The following ZRANB3 variants were observed in gnomAD, a reference collection of about 807,000 sequenced individuals.
ZRANB3 encodes the protein zinc finger RANBP2-type containing 3, also known as DNA annealing helicase and endonuclease ZRANB3.
A neutral mutation model predicts 133.8 loss-of-function variants in ZRANB3; 125 were observed. The ratio of observed to expected loss-of-function variants is 0.93; its 90% CI spans 0.81 to 1.08. The LOEUF (loss-of-function observed/expected upper bound fraction) is 1.08. ZRANB3 is among the 50% of genes least tolerant of loss of function. The pLI is 0.00. For synonymous variants in ZRANB3, 387 were observed against 432.7 expected (o/e 0.89, Z 1.31); for missense variants, 1,229 against 1,275.5 (o/e 0.96, Z 0.56).
chr2:135,348,541 A>C (rs147195499), intron 5 of ZRANB3, among the ~76,000 whole-genome samples: 2 of 152,266 alleles, frequency 1.3e-5, no homozygotes, highest in Non-Finnish European at 2.9e-5. Context: ...GCTCGATTAT[A>C]AGTAGATGAG....
chr2:135,407,664 T>A (rs1357649421), intron 2 of ZRANB3, among the ~76,000 whole-genome samples: 1 of 151,620 alleles, frequency 6.6e-6, no homozygotes, highest in African/African-American at 2.4e-5. Flanking sequence ...TCAGAAATAA[T>A]GCCGAATATC....
In ZRANB3 at chr2:135,362,659, T is replaced by C. The variant is rs1333320137; in HGVS notation, c.181-9031A>G. On this transcript the variant is annotated intron_variant, in intron 3 of 20. Coordinates refer to ENST00000264159, the MANE Select transcript of ZRANB3 (RefSeq NM_032143.4). ...GATATAAGCAAATATATGCCCCTTTTTATTTTTTTTCCTAGACATGGGTCT... is the reference window on the plus strand; with the variant it reads ...GATATAAGCAAATATATGCCCCTTTCTATTTTTTTTCCTAGACATGGGTCT... Among the ~76,000 whole-genome samples the C allele has an allele frequency of 6.6e-5, 10 of 152,258 alleles. No individual in the cohort carries two copies. In the East Asian group the frequency reaches 1.9e-3, roughly 29 times the overall value.
At chr2:135,246,089 AGTGCAATG>A (rs1366198322) in intron 12 of ZRANB3, among the ~76,000 whole-genome samples, 165 of 112,580 alleles carry the variant, frequency 1.5e-3, no homozygotes, top group African/African-American at 5.8e-3. Flanking sequence ...CTCAGGCTGG[AGTGCAATG>A]GTGTGATCTC....
Position 135,371,606 on chromosome 2 carries a change from T to G in ZRANB3, c.181-17978A>C, listed in dbSNP as rs144143417. 3.0e-3 allele frequency among the ~76,000 whole-genome samples: 452 copies of G among 152,316 alleles called. 3 individuals are homozygous for G. The highest frequency in any genetic ancestry group is 0.01 in the African/African-American group (421 of 41,574). On this transcript the variant is annotated intron_variant, in intron 3 of 20. Transcript: ENST00000264159. ...GAAATCAGGACAGACTTCTTTAAAA[T>G]TGAAGATGCAATCAATTGCATTTGT...
intron 2 of ZRANB3, among the ~76,000 whole-genome samples, chr2:135,479,617 G>C (rs1691670234): frequency 6.6e-6 from 1 of 151,994 alleles, no homozygotes; most frequent in South Asian, 2.1e-4. Context: ...AGTGAGCCGA[G>C]ATTGTGCCAC....
intron 2 of ZRANB3, among the ~76,000 whole-genome samples, chr2:135,449,814 G>A (rs993834196): frequency 6.6e-6 from 1 of 152,114 alleles, no homozygotes; most frequent in Non-Finnish European, 1.5e-5. Flanking sequence ...CTACAGTGCA[G>A]TGACAAAACC....
intron 2 of ZRANB3, among the ~76,000 whole-genome samples, chr2:135,443,563 CA>C (rs1252904550): frequency 6.6e-6 from 1 of 151,716 alleles, no homozygotes; most frequent in African/African-American, 2.4e-5. Context: ...CATTAGTAAG[CA>C]AAAGGCATTT....
At chr2:135,377,705 G>C (rs990501139) in intron 3 of ZRANB3, among the ~76,000 whole-genome samples, 2 of 152,128 alleles carry the variant, frequency 1.3e-5, no homozygotes, top group Non-Finnish European at 2.9e-5. Context: ...GTAAATAAAT[G>C]AATGAATGAA....
intron 9 of ZRANB3, among the ~76,000 whole-genome samples, chr2:135,273,751 G>A (rs754341613): frequency 3.9e-5 from 6 of 152,034 alleles, no homozygotes; most frequent in Non-Finnish European, 7.4e-5. Context: ...TGGTCAGGCT[G>A]GTCTCGAACT....
intron 11 of ZRANB3, among the ~76,000 whole-genome samples, chr2:135,266,475 T>C (rs779222169): frequency 9.2e-5 from 14 of 151,870 alleles, no homozygotes; most frequent in Middle Eastern, 3.4e-3. Context: ...CCTTTTAAAG[T>C]CTAATAAGAG....
Position 135,297,534 on chromosome 2 carries a change from C to T in ZRANB3, c.966+15955G>A, listed in dbSNP as rs181459229. Among the ~76,000 whole-genome samples, 375 of 152,316 alleles carry T rather than the reference C, an allele frequency of 2.5e-3. 1 individual carries two copies. Among genetic ancestry groups the T allele is most frequent in the African/African-American group, 8.3e-3 (344 of 41,576 alleles). ...GACCCCTTGCGCTTCACGGGTGAGG[C>T]GATGCCTCGCCCTGCTTTGGCTCAT... On this transcript the variant is annotated intron_variant, in intron 8 of 20. Coordinates refer to ENST00000264159, the MANE Select transcript of ZRANB3 (RefSeq NM_032143.4).
At chr2:135,407,295 A>G (rs1419980071) in intron 2 of ZRANB3, among the ~76,000 whole-genome samples, 1 of 152,318 alleles carries the variant, frequency 6.6e-6, no homozygotes, top group South Asian at 2.1e-4. Flanking sequence ...AAGGAGAACT[A>G]CAAACCACTG....
At chr2:135,234,998 G>A (rs1695220304) in intron 12 of ZRANB3, among the ~76,000 whole-genome samples, 1 of 152,150 alleles carries the variant, frequency 6.6e-6, no homozygotes, top group Non-Finnish European at 1.5e-5. Flanking sequence ...ATGAATCCAG[G>A]AGCTGGTTTT....
chr2:135,507,888 T>TATGATCTTGTCACTGCACTCC (rs1693265339), intron 1 of ZRANB3, among the ~76,000 whole-genome samples: 1 of 151,954 alleles, frequency 6.6e-6, no homozygotes, highest in Admixed American at 6.6e-5. Flanking sequence ...GAATTTGAGC[T>TATGATCTTGTCACTGCACTCC]ATGATCTTGT....
At chr2:135,225,207 G>A (rs1416749352) in intron 14 of ZRANB3, among the ~76,000 whole-genome samples, 1 of 152,190 alleles carries the variant, frequency 6.6e-6, no homozygotes, top group Non-Finnish European at 1.5e-5. Context: ...GGAAGAAACT[G>A]AGGCACGTTA....
intron 2 of ZRANB3, among the ~76,000 whole-genome samples, chr2:135,480,155 G>A (rs1387227979): frequency 6.6e-6 from 1 of 151,486 alleles, no homozygotes; most frequent in Non-Finnish European, 1.5e-5. Flanking sequence ...TGTTAGCCAG[G>A]AAGGTCTCGA....
chr2:135,421,050 A>C (rs1688823796), intron 2 of ZRANB3, among the ~76,000 whole-genome samples: 1 of 152,154 alleles, frequency 6.6e-6, no homozygotes, highest in Non-Finnish European at 1.5e-5. Context: ...TTGATATTGT[A>C]AGTGGATGAT....
chr2:135,261,101 T>C (rs887472130), intron 12 of ZRANB3, among the ~76,000 whole-genome samples: 4 of 151,602 alleles, frequency 2.6e-5, no homozygotes, highest in African/African-American at 7.3e-5. Context: ...AAGTTTTTGA[T>C]GTCAAATGGC....
Position 135,230,550 on chromosome 2 carries a change from AG to A in ZRANB3, c.1916del (p.Pro639LeufsTer17), listed in dbSNP as rs1312579121. The part of the protein sequence containing the change: ...LCTYINNSEL[P>X]YCEMCETPQG... ...GAGGAGTCTCACACATTTCACAATAAGGTAACTCTGAATTATTGATATAGGT... is the reference window on the plus strand; with the variant it reads ...GAGGAGTCTCACACATTTCACAATAAGTAACTCTGAATTATTGATATAGGT... On this transcript the variant is annotated frameshift_variant, in exon 13 of 21. Coordinates refer to ENST00000264159, the MANE Select transcript of ZRANB3 (RefSeq NM_032143.4). LOFTEE classifies it high-confidence loss of function. 1 of 1,561,920 alleles carries A rather than the reference AG, an allele frequency of 6.4e-7. No homozygotes were observed. The highest frequency in any genetic ancestry group is 1.3e-5 in the South Asian group (1 of 79,588).
Sources: allele counts gnomAD v4.1 joint callset (sites outside exome capture counted in the v4.1 genomes callset), GRCh38; gene constraint gnomAD v4.1.1; transcripts MANE v1.5; gene names NCBI Gene and HGNC (gene_info 2026-07-23, HGNC 2026-07-21).